DEFB134: variants seen among roughly 807,000 people sequenced by gnomAD.
The protein encoded by DEFB134 is beta-defensin 134.
In DEFB134, 7 loss-of-function variants were observed where a neutral mutation model predicts 7.4. The observed-to-expected ratio is 0.95, with a 90% CI of 0.54 to 1.79. The LOEUF (loss-of-function observed/expected upper bound fraction) is 1.79. Ranked by LOEUF, DEFB134 falls within the 40% of genes most tolerant of loss-of-function variation. The pLI is 0.00. For synonymous variants in DEFB134, 33 were observed against 25.0 expected (o/e 1.32, Z -0.96); for missense variants, 105 against 74.8 (o/e 1.40, Z -1.49).
chr8:11,994,160 G>C (rs1450696595), intron 1 of DEFB134, 38 bp from the exon 3 acceptor site: 1 of 1,580,438 alleles, frequency 6.3e-7, no homozygotes, highest in African/African-American at 1.4e-5. Flanking sequence ...TTCACTACAG[G>C]CCTTTTTGGA....
chr8:11,997,771 G>T (rs544507252), upstream of DEFB134, among the ~76,000 whole-genome samples: 2 of 152,102 alleles, frequency 1.3e-5, no homozygotes, highest in Non-Finnish European at 2.9e-5. Context: ...CAATAATAAC[G>T]AAAGACATTG....
chr8:11,993,803 G>T, exon 2 of DEFB134: 2 of 762,346 alleles, frequency 2.6e-6, no homozygotes, highest in Non-Finnish European at 3.8e-6. Flanking sequence ...TTTAAAGAAG[G>T]CTACAGCTCA....
At chr8:11,999,853 T>A (rs925070175), upstream of DEFB134, among the ~76,000 whole-genome samples, 13 of 152,220 alleles carry the variant, frequency 8.5e-5, no homozygotes, top group African/African-American at 2.9e-4. Context: ...ACACCAGCTT[T>A]TTCTTTTCAT....
At chr8:11,994,210 T>C in intron 1 of DEFB134, 88 bp from the exon 3 acceptor site, 1 of 1,441,370 alleles carries the variant, frequency 6.9e-7, no homozygotes, top group Non-Finnish European at 9.3e-7. Context: ...TCCAACCGGA[T>C]ACCAAGGAGA....
At chr8:11,996,068 C>G (rs546193682) in intron 1 of DEFB134, 126 bp downstream of exon 2, 155 of 1,137,008 alleles carry the variant, frequency 1.4e-4, no homozygotes, top group Admixed American at 8.8e-4. Context: ...GACATCAAAA[C>G]TAGTTGATGC....
At position 11,994,051 on chromosome 8, in the gene DEFB134, C is replaced by A. The variant is rs2150558143; in HGVS notation, c.130G>T (p.Glu44Ter). ...CAGTAGGCAACTAACATTTCACTCTCATAGCATTCAAGTCTGCAGATGCCA... is the reference window on the plus strand; with the variant it reads ...CAGTAGGCAACTAACATTTCACTCTAATAGCATTCAAGTCTGCAGATGCCA... The change falls in exon 2 of 2, where the codon GAG (glutamate) becomes TAG (stop). Residue 44 changes from glutamate to a stop codon, truncating the protein, a stop_gained. Coordinates refer to ENST00000526438, the Ensembl canonical transcript of DEFB134. LOFTEE classifies it high-confidence loss of function. 1 of 1,613,942 alleles carries A rather than the reference C, an allele frequency of 6.2e-7. No homozygotes were observed. The highest frequency in any genetic ancestry group is 8.5e-7 in the Non-Finnish European group (1 of 1,179,960).
chr8:11,994,105 A>T, exon 2 of DEFB134: 1 of 1,612,258 alleles, frequency 6.2e-7, no homozygotes, highest in South Asian at 1.1e-5. Flanking sequence ...TGCATTTCTG[A>T]TGATAATGAA....
upstream of DEFB134, among the ~76,000 whole-genome samples, chr8:11,999,821 A>G (rs956495056): frequency 5.3e-5 from 8 of 152,318 alleles, no homozygotes; most frequent in African/African-American, 1.7e-4. Flanking sequence ...ATCATTTGAA[A>G]ACAAGTATGT....
At chr8:11,999,234 G>A (rs1012132203), upstream of DEFB134, 11 of 206,110 alleles carry the variant, frequency 5.3e-5, 1 homozygote, top group Non-Finnish European at 8.7e-5. Flanking sequence ...AGGTATGGGA[G>A]TATAAAGGTC....
At chr8:11,996,367 C>T, upstream of DEFB134, 1 of 1,157,562 alleles carries the variant, frequency 8.6e-7, no homozygotes, top group South Asian at 1.4e-5. Flanking sequence ...TGGGGTATGC[C>T]TCGCTTCAGG....
At chr8:12,000,511 T>C (rs904724859), upstream of DEFB134, among the ~76,000 whole-genome samples, 1 of 152,202 alleles carries the variant, frequency 6.6e-6, no homozygotes, top group Admixed American at 6.5e-5. Flanking sequence ...CTTGAAACAG[T>C]CGATAATACT....
chr8:11,996,630 A>C (rs1272253065), upstream of DEFB134, among the ~76,000 whole-genome samples: 1 of 152,236 alleles, frequency 6.6e-6, no homozygotes, highest in African/African-American at 2.4e-5. Context: ...AATTGGTAAA[A>C]TATTAAACAT....
upstream of DEFB134, among the ~76,000 whole-genome samples, chr8:11,998,868 A>G (rs1022710371): frequency 1.4e-4 from 22 of 152,196 alleles, no homozygotes; most frequent in Non-Finnish European, 2.9e-4. Context: ...CACTGACCCC[A>G]AAGAAATGCA....
At chr8:11,997,319 T>G (rs376614386), upstream of DEFB134, among the ~76,000 whole-genome samples, 118 of 152,348 alleles carry the variant, frequency 7.7e-4, 1 homozygote, top group African/African-American at 2.7e-3. Flanking sequence ...CAGTCACGTA[T>G]TGATTGATGT....
chr8:11,996,119 A>T, intron 1 of DEFB134, 75 bp downstream of exon 2: 1 of 1,551,630 alleles, frequency 6.4e-7, no homozygotes, highest in Non-Finnish European at 8.9e-7. Context: ...TGGGTGGTGT[A>T]TGTTTATTGG....
In DEFB134 at chr8:11,993,952, G is replaced by T. The variant is rs199834051; in HGVS notation, c.*28C>A. The T allele has an allele frequency of 7.2e-4, 1,159 of 1,608,664 alleles. 2 individuals are homozygous for T. The highest frequency in any genetic ancestry group is 8.4e-4 in the Non-Finnish European group (993 of 1,178,204). ...AGATGGCAGAATCAAGGGCCTACAG[G>T]ATAGTGGCCATTCATTGGTTTCTTA... On this transcript the variant is annotated 3_prime_UTR_variant, in exon 2 of 2. Transcript: ENST00000526438.
At chr8:11,994,166 T>G in intron 1 of DEFB134, 44 bp from the exon 3 acceptor site, 2 of 1,566,768 alleles carry the variant, frequency 1.3e-6, no homozygotes, top group Non-Finnish European at 1.7e-6. Flanking sequence ...ACAGGCCTTT[T>G]TGGACCATAA....
chr8:11,995,304 C>G (rs530293751), intron 1 of DEFB134, among the ~76,000 whole-genome samples: 2 of 152,116 alleles, frequency 1.3e-5, no homozygotes, highest in African/African-American at 2.4e-5. Flanking sequence ...CTTTAAGAGG[C>G]CTTGATCCCA....
intron 1 of DEFB134, among the ~76,000 whole-genome samples, chr8:11,995,958 C>CAAAAAAAAAA (rs34837269): frequency 1.4e-5 from 2 of 139,954 alleles, no homozygotes; most frequent in South Asian, 2.2e-4. Flanking sequence ...TCAGTTCAGC[C>CAAAAAAAAAA]AAAAAAAAAA....
Sources: gnomAD v4.1 joint callset for allele counts (sites outside exome capture counted in the v4.1 genomes callset) on GRCh38, gnomAD v4.1.1 for gene constraint, MANE v1.5 for transcripts, NCBI Gene and HGNC (gene_info 2026-07-23, HGNC 2026-07-21) for gene names.